The following KCNK1 variants were observed in gnomAD, a reference collection of about 807,000 sequenced individuals.
KCNK1 encodes potassium two pore domain channel subfamily K member 1.
In KCNK1, 10 loss-of-function variants were observed where a neutral mutation model predicts 22.2. The ratio of observed to expected loss-of-function variants is 0.45; its 90% confidence interval spans 0.28 to 0.76. KCNK1 has a LOEUF of 0.76. KCNK1 is among the 30% of genes least tolerant of loss of function. The pLI, the probability that KCNK1 is intolerant of heterozygous loss-of-function variation, is 0.14. For missense variants in KCNK1, 378 were observed against 421.0 expected, an observed-to-expected ratio of 0.90 and a Z score of 0.89; for synonymous variants, 200 against 186.4, an observed-to-expected ratio of 1.07 and a Z score of -0.60.
At chr1:233,664,440 C>T (rs1471745033) in intron 1 of KCNK1, among the ~76,000 whole-genome samples, 1 of 152,154 alleles carries the variant, frequency 6.6e-6, no homozygotes, top group Non-Finnish European at 1.5e-5. Flanking sequence ...CAATATGATG[C>T]CCAAAATTAG....
Position 233,614,224 on chromosome 1 carries a change from G to A in KCNK1, c.53G>A (p.Arg18His). 2 of 1,611,524 alleles carry A rather than the reference G, an allele frequency of 1.2e-6. No individual in the cohort carries two copies. Among genetic ancestry groups the A allele is most frequent in the South Asian group, 1.1e-5 (1 of 90,928 alleles). ...TGCGTGCGCCTGGTGGAGCGGCACCGCTCGGCCTGGTGCTTCGGCTTCCTG... is the reference window on the plus strand; with the variant it reads ...TGCGTGCGCCTGGTGGAGCGGCACCACTCGGCCTGGTGCTTCGGCTTCCTG... The part of the protein sequence containing the change: ...SSCVRLVERH[R>H]SAWCFGFLVL... The change falls in exon 1 of 3, where the codon CGC becomes CAC. Residue 18 changes from arginine (R) to histidine (H), a missense_variant. By Grantham distance (29) the Arg-to-His change is conservative (BLOSUM62 0). Transcript: ENST00000366621.
chr1:233,626,396 G>A (rs776064883), intron 1 of KCNK1, among the ~76,000 whole-genome samples: 31 of 151,950 alleles, frequency 2.0e-4, no homozygotes, highest in Non-Finnish European at 3.8e-4. Flanking sequence ...TCCCTTTTGG[G>A]TGTCCAGGAG....
At chr1:233,660,073 A>G (rs930363837) in intron 1 of KCNK1, among the ~76,000 whole-genome samples, 1 of 152,242 alleles carries the variant, frequency 6.6e-6, no homozygotes, top group Non-Finnish European at 1.5e-5. Flanking sequence ...CTAGAATTGA[A>G]GAGGACATGA....
At chr1:233,666,410 G>A (rs1437756892) in intron 1 of KCNK1, among the ~76,000 whole-genome samples, 185 bp from the exon 2 acceptor site, 1 of 152,194 alleles carries the variant, frequency 6.6e-6, no homozygotes, top group African/African-American at 2.4e-5. Context: ...AACTTATGGT[G>A]ACCACTGTTG....
chr1:233,636,934 C>T (rs542867818), intron 1 of KCNK1, among the ~76,000 whole-genome samples: 13 of 152,066 alleles, frequency 8.5e-5, no homozygotes, highest in Middle Eastern at 3.4e-3. Context: ...TGGTGGCTCA[C>T]GCCTGTAATC....
At chr1:233,622,459 C>T (rs1657606161) in intron 1 of KCNK1, among the ~76,000 whole-genome samples, 1 of 152,216 alleles carries the variant, frequency 6.6e-6, no homozygotes, top group Non-Finnish European at 1.5e-5. Context: ...TATTGGAAAG[C>T]AAGCAACTTT....
intron 1 of KCNK1, among the ~76,000 whole-genome samples, chr1:233,662,488 G>A (rs1468059036): frequency 6.6e-6 from 1 of 152,194 alleles, no homozygotes; most frequent in Non-Finnish European, 1.5e-5. Flanking sequence ...TTGCTCTGAT[G>A]TACTCTATAG....
intron 1 of KCNK1, among the ~76,000 whole-genome samples, chr1:233,621,470 C>G (rs1657585044): frequency 1.3e-5 from 2 of 152,200 alleles, no homozygotes; most frequent in South Asian, 4.1e-4. Flanking sequence ...TCTTTTAAGT[C>G]TTTAGTCTTG....
In KCNK1 at chr1:233,666,722, C is replaced by T. The variant is rs370288142; in HGVS notation, c.483C>T (p.Thr161=). ...AVVQRITVHV[T]RRPVLYFHIR... ...TCCAGCGCATCACCGTGCACGTCAC[C>T]CGCAGGCCGGTCCTCTACTTCCACA... is the stretch of plus-strand genomic sequence containing the variant. Residue 161 remains threonine, a synonymous_variant, in exon 2 of 3, where the codon ACC becomes ACT. Transcript: ENST00000366621. The T allele has an allele frequency of 2.5e-6, 4 of 1,614,032 alleles. No homozygotes were observed. Among genetic ancestry groups the T allele is most frequent in the African/African-American group, 1.3e-5 (1 of 74,910 alleles).
chr1:233,652,431 T>C (rs1057154895), intron 1 of KCNK1, among the ~76,000 whole-genome samples: 3 of 152,202 alleles, frequency 2.0e-5, no homozygotes, highest in Admixed American at 6.5e-5. Flanking sequence ...TTCAGATCTT[T>C]GGAAAACTAT....
intron 1 of KCNK1, among the ~76,000 whole-genome samples, chr1:233,623,114 TA>T (rs1273069130): frequency 6.6e-6 from 1 of 151,804 alleles, no homozygotes; most frequent in Non-Finnish European, 1.5e-5. Flanking sequence ...ATGTGGAAGC[TA>T]AAAAAAGTTA....
intron 1 of KCNK1, among the ~76,000 whole-genome samples, chr1:233,625,523 G>A (rs701215): frequency 6.6e-6 from 1 of 152,048 alleles, no homozygotes; most frequent in Admixed American, 6.6e-5. Flanking sequence ...GCAGGAGAAG[G>A]TCGGAGAAAA....
At chr1:233,615,834 A>T (rs555026264) in intron 1 of KCNK1, among the ~76,000 whole-genome samples, 2 of 152,180 alleles carry the variant, frequency 1.3e-5, no homozygotes, top group Admixed American at 6.5e-5. Flanking sequence ...TACACTATTC[A>T]TGTAGATCAC....
chr1:233,641,743 A>T (rs1298191262), intron 1 of KCNK1, among the ~76,000 whole-genome samples: 1 of 152,228 alleles, frequency 6.6e-6, no homozygotes. Context: ...AAAACAAGCA[A>T]GTTTATTAAC....
chr1:233,649,956 T>A, intron 1 of KCNK1: 1 of 533,460 alleles, frequency 1.9e-6, no homozygotes, highest in South Asian at 1.4e-5. Context: ...GAGGGTTTTA[T>A]CTCCTGATTT....
At chr1:233,636,366 G>A (rs958152979) in intron 1 of KCNK1, among the ~76,000 whole-genome samples, 7 of 152,208 alleles carry the variant, frequency 4.6e-5, no homozygotes, top group African/African-American at 1.7e-4. Flanking sequence ...CGTGGCTTGG[G>A]CTACAGCAGG....
chr1:233,614,197 C>A lies in KCNK1; in HGVS notation c.26C>A (p.Ser9Ter). The A allele has an allele frequency of 6.2e-7, 1 of 1,607,440 alleles. No individual in the cohort carries two copies. Among genetic ancestry groups the A allele is most frequent in the Non-Finnish European group, 8.5e-7 (1 of 1,179,448 alleles). Residue 9 changes from serine to a stop codon, truncating the protein, a stop_gained, in exon 1 of 3, where the codon TCG (serine) becomes TAG (stop). Coordinates refer to ENST00000366621, the MANE Select transcript of KCNK1 (RefSeq NM_002245.4). LOFTEE classifies it high-confidence loss of function. MLQSLAGS[S>*]CVRLVERHRS... is the part of the protein sequence containing the mutation. ...ATGCTGCAGTCCCTGGCCGGCAGCTCGTGCGTGCGCCTGGTGGAGCGGCAC... is the reference window on the plus strand; with the variant it reads ...ATGCTGCAGTCCCTGGCCGGCAGCTAGTGCGTGCGCCTGGTGGAGCGGCAC...
chr1:233,625,327 A>G (rs143698101), intron 1 of KCNK1, among the ~76,000 whole-genome samples: 21 of 152,314 alleles, frequency 1.4e-4, no homozygotes, highest in African/African-American at 4.8e-4. Context: ...TATGACCTAC[A>G]GTCAAACAAG....
At chr1:233,640,804 A>G (rs1290498832) in intron 1 of KCNK1, among the ~76,000 whole-genome samples, 1 of 152,118 alleles carries the variant, frequency 6.6e-6, no homozygotes, top group East Asian at 1.9e-4. Context: ...TCCCAGGTTC[A>G]AGTGATTCTC....
Sources: allele counts gnomAD v4.1 joint callset (sites outside exome capture counted in the v4.1 genomes callset), GRCh38; gene constraint gnomAD v4.1.1; transcripts MANE v1.5; gene names NCBI Gene and HGNC (gene_info 2026-07-23, HGNC 2026-07-21).